Variants in ERBIN observed in about 807,000 individuals in gnomAD.
The protein encoded by ERBIN is densin-180-like protein.
In ERBIN, 60 loss-of-function variants were observed where a neutral mutation model predicts 158.4. The observed-to-expected ratio is 0.38, with a 90% CI of 0.31 to 0.47. ERBIN has a LOEUF of 0.47. Ranked by LOEUF, ERBIN falls within the 20% of genes least tolerant of loss-of-function variation. The pLI, the probability that ERBIN is intolerant of heterozygous loss-of-function variation, is 0.99. For missense variants in ERBIN, 1,610 were observed against 1,648.0 expected (o/e 0.98, Z 0.40); for synonymous variants, 594 against 557.2 (o/e 1.07, Z -0.93).
chr5:65,964,578 T>TG (rs1311483045), intron 1 of ERBIN, among the ~76,000 whole-genome samples: 3 of 152,176 alleles, frequency 2.0e-5, no homozygotes, highest in African/African-American at 4.8e-5. Flanking sequence ...ACTATGTACT[T>TG]GCAACAAACA....
chr5:65,965,379 G>GTTTT lies in ERBIN; in HGVS notation c.-57-23254_-57-23253insTTTT, dbSNP rs1561304820. On this transcript the variant is annotated intron_variant, in intron 1 of 25. Coordinates refer to ENST00000284037, the MANE Select transcript of ERBIN (RefSeq NM_001253697.2). ...GCTGTTCTTACCAGATTTGTTTTTT[G>GTTTT]TTGTTTTTTTTTTTTTTTTTTTTTT... Among the ~76,000 whole-genome samples, 72 of 103,648 alleles carry GTTTT rather than the reference G, an allele frequency of 6.9e-4. 1 individual carries two copies. Among genetic ancestry groups the GTTTT allele is most frequent in the Admixed American group, 1.7e-3 (14 of 8,262 alleles). 68.0% of individuals were successfully genotyped at this position (103,648 alleles called of 152,430 possible).
intron 4 of ERBIN, among the ~76,000 whole-genome samples, chr5:66,011,660 G>C (rs784274): frequency 1 from 152,242 of 152,342 alleles, 76,073 homozygotes; most frequent in Non-Finnish European, 1. Flanking sequence ...GTACTCCAGC[G>C]TGGGCAACAG....
chr5:66,061,583 A>G (rs1266811673), intron 21 of ERBIN, among the ~76,000 whole-genome samples: 1 of 152,158 alleles, frequency 6.6e-6, no homozygotes, highest in Non-Finnish European at 1.5e-5. Context: ...TGATCCTGTC[A>G]TTATGATGTT....
At chr5:66,031,977 G>T (rs552215928) in intron 14 of ERBIN, among the ~76,000 whole-genome samples, 2 of 151,888 alleles carry the variant, frequency 1.3e-5, no homozygotes, top group Non-Finnish European at 2.9e-5. Flanking sequence ...GAGTATCTGG[G>T]ATTATAGGCC....
chr5:66,054,182 C>G lies in ERBIN; in HGVS notation c.2864C>G (p.Pro955Arg). 2 of 1,614,006 alleles carry G rather than the reference C, an allele frequency of 1.2e-6. No individual in the cohort carries two copies. The highest frequency in any genetic ancestry group is 1.7e-6 in the Non-Finnish European group (2 of 1,180,004). The change falls in exon 21 of 26, where the codon CCA (proline) becomes CGA (arginine). Residue 955 changes from proline (P) to arginine (R), a missense_variant. By Grantham distance (103) the Pro-to-Arg change is moderately radical. Around this residue, in one of 2 missense-constraint regions of ERBIN, gnomAD observed 1,014 missense variants for 936.1 expected, o/e 1.08. Transcript: ENST00000284037. ...GATTCAAATCATAATCCCGAAGAGCCAAATATAATAAGAGGCCCCACAAGT... is the reference window on the plus strand; with the variant it reads ...GATTCAAATCATAATCCCGAAGAGCGAAATATAATAAGAGGCCCCACAAGT... ...KFDSNHNPEE[P>R]NIIRGPTSGP... is the part of the protein sequence containing the mutation.
chr5:66,009,206 C>G (rs1753941287), intron 4 of ERBIN, among the ~76,000 whole-genome samples: 1 of 152,138 alleles, frequency 6.6e-6, no homozygotes, highest in Non-Finnish European at 1.5e-5. Context: ...AATATTTAGT[C>G]AGTTCAGCAA....
intron 4 of ERBIN, among the ~76,000 whole-genome samples, chr5:66,004,410 A>G (rs774713659): frequency 6.6e-6 from 1 of 152,014 alleles, no homozygotes; most frequent in African/African-American, 2.4e-5. Context: ...GCGTGTGTGT[A>G]TGTGTGAGTT....
intron 1 of ERBIN, among the ~76,000 whole-genome samples, chr5:65,981,495 A>G (rs919436250): frequency 3.3e-5 from 5 of 152,214 alleles, no homozygotes; most frequent in African/African-American, 1.2e-4. Flanking sequence ...TACAATTGAT[A>G]GGCCTCTAGC....
rs1580560616 is a variant in ERBIN at position 66,076,865 on chromosome 5, G to T, written c.4057-10G>T. The T allele has an allele frequency of 6.3e-7, 1 of 1,588,338 alleles. No individual in the cohort carries two copies. Reference sequence around the variant, plus strand: ...TGTTTTTAGTTAAATAATTTTTTTTGTTGTTAAAGGGTATATTTGTAACAA... The same window carrying T: ...TGTTTTTAGTTAAATAATTTTTTTTTTTGTTAAAGGGTATATTTGTAACAA... On this transcript the variant is annotated splice_polypyrimidine_tract_variant and intron_variant, in intron 24 of 25. Transcript: ENST00000284037.
At chr5:66,069,113 A>C in intron 21 of ERBIN, 1 of 1,204,464 alleles carries the variant, frequency 8.3e-7, no homozygotes, top group Middle Eastern at 2.0e-4. Context: ...AAAAATGTTT[A>C]CTCTGGGTTA....
chr5:65,959,539 G>T (rs1747680721), intron 1 of ERBIN, among the ~76,000 whole-genome samples: 3 of 152,258 alleles, frequency 2.0e-5, no homozygotes, highest in Admixed American at 6.5e-5. Context: ...TTCGTTTGGG[G>T]TTGGTCCATG....
rs559096263 is a variant in ERBIN at position 65,956,926 on chromosome 5, G to A, written c.-58+30120G>A. Among the ~76,000 whole-genome samples the A allele has an allele frequency of 3.9e-5, 6 of 152,120 alleles. No individual in the cohort carries two copies. In the South Asian group the frequency reaches 8.3e-4, roughly 21 times the overall value. ...GATTTTGAAAAGTGTTGGGATTACAGGTGTGAGCCACCACACCTGGCTTTC... is the reference window on the plus strand; with the variant it reads ...GATTTTGAAAAGTGTTGGGATTACAAGTGTGAGCCACCACACCTGGCTTTC... On this transcript the variant is annotated intron_variant, in intron 1 of 25. Transcript: ENST00000284037.
intron 3 of ERBIN, among the ~76,000 whole-genome samples, chr5:65,993,748 C>T (rs564837402): frequency 3.9e-5 from 6 of 151,938 alleles, no homozygotes; most frequent in East Asian, 1.9e-4. Context: ...ATTTGGACTG[C>T]GAGAATTAGG....
intron 1 of ERBIN, among the ~76,000 whole-genome samples, chr5:65,966,107 A>G (rs536331650): frequency 2.7e-4 from 18 of 65,856 alleles, no homozygotes; most frequent in African/African-American, 5.2e-4. Flanking sequence ...ATTTTGGTCA[A>G]TGATAGACTG....
At chr5:66,023,673 A>ATTTTTT (rs145788640) in intron 9 of ERBIN, among the ~76,000 whole-genome samples, 1 of 131,618 alleles carries the variant, frequency 7.6e-6, no homozygotes, top group Non-Finnish European at 1.6e-5. Context: ...AACTTTCTGA[A>ATTTTTT]TTTTTTTTTT....
In ERBIN at chr5:66,053,921, T is replaced by C; in HGVS notation, c.2603T>C (p.Val868Ala). The C allele has an allele frequency of 6.2e-7, 1 of 1,614,182 alleles. No homozygotes were observed. Among genetic ancestry groups the C allele is most frequent in the Non-Finnish European group, 8.5e-7 (1 of 1,180,024 alleles). The change falls in exon 21 of 26, where the codon GTG becomes GCG. Residue 868 changes from valine to alanine, a missense_variant. Coordinates refer to ENST00000284037, the MANE Select transcript of ERBIN (RefSeq NM_001253697.2). ...AAAAGTGGTCCAGTTGGATCTGTTGTGAAATCTCATAGCATAACTAATATG... is the reference window on the plus strand; with the variant it reads ...AAAAGTGGTCCAGTTGGATCTGTTGCGAAATCTCATAGCATAACTAATATG... ...PQKSGPVGSVVKSHSITNMEI... is the reference protein window; with the variant it reads ...PQKSGPVGSVAKSHSITNMEI...
At chr5:65,962,164 G>A (rs373938652) in intron 1 of ERBIN, among the ~76,000 whole-genome samples, 2 of 152,280 alleles carry the variant, frequency 1.3e-5, no homozygotes, top group African/African-American at 4.8e-5. Flanking sequence ...AGAATCAAGA[G>A]TGAGTGCTTT....
intron 1 of ERBIN, among the ~76,000 whole-genome samples, chr5:65,934,113 G>A (rs1743783525): frequency 6.6e-6 from 1 of 152,124 alleles, no homozygotes; most frequent in South Asian, 2.1e-4. Context: ...AGCCAGGGTG[G>A]TCTTGATCTC....
chr5:65,958,627 G>A (rs930315619), intron 1 of ERBIN, among the ~76,000 whole-genome samples: 5 of 151,100 alleles, frequency 3.3e-5, no homozygotes, highest in Non-Finnish European at 7.4e-5. Flanking sequence ...GAGGGAGACC[G>A]TGGGGAGAGG....
Sources: gnomAD v4.1 joint callset for allele counts (sites outside exome capture counted in the v4.1 genomes callset) on GRCh38, gnomAD v4.1.1 for gene constraint, gnomAD v4.1.1 regional missense constraint, MANE v1.5 for transcripts, NCBI Gene and HGNC (gene_info 2026-07-23, HGNC 2026-07-21) for gene names.